The following ACER1 variants were observed in gnomAD, a reference collection of about 807,000 sequenced individuals.
The protein encoded by ACER1 is alkaline ceramidase 1, also known as CTB-180A7.3.
ACER1 carries 28 observed loss-of-function variants against 24.9 expected under a neutral mutation model. The observed-to-expected ratio is 1.13, with a 90% CI of 0.83 to 1.54. The LOEUF (loss-of-function observed/expected upper bound fraction) is 1.54. ACER1 is among the 40% of genes most tolerant of loss of function. The pLI is 0.00. For synonymous variants in ACER1, 132 were observed against 131.4 expected (o/e 1.00, Z -0.03); for missense variants, 352 against 349.3 (o/e 1.01, Z -0.06).
Position 6,306,635 on chromosome 19 carries a change from T to A in ACER1, c.*79A>T, listed in dbSNP as rs2091553469. The A allele has an allele frequency of 6.7e-7, 1 of 1,503,700 alleles. No homozygotes were observed. The highest frequency in any genetic ancestry group is 2.3e-5 in the East Asian group (1 of 43,696). 93.1% of individuals were successfully genotyped at this position (1,503,700 alleles called of 1,614,324 possible). A position where few individuals can be genotyped will look rare whatever the true frequency, so the allele number is the denominator to read the frequency against. On this transcript the variant is annotated 3_prime_UTR_variant, in exon 6 of 6. Transcript: ENST00000301452. ...GAAGGAACCACGAGTGTCCCGCAGG[T>A]GCAAGTCCTGACCGGGGCTATCTTC...
chr19:6,314,834 A>T (rs912822777), intron 1 of ACER1, among the ~76,000 whole-genome samples: 2 of 152,156 alleles, frequency 1.3e-5, no homozygotes, highest in Non-Finnish European at 2.9e-5. Context: ...CAACCCAATG[A>T]TTGGATAAAG....
At chr19:6,345,667 C>T in the ACER1 span, among the ~76,000 whole-genome samples, 8,509 of 150,408 alleles carry the variant, frequency 0.057, 399 homozygotes, top group African/African-American at 0.13. Flanking sequence ...TGGGTTCAAG[C>T]GATTCTCTTG....
At chr19:6,325,464 C>A (rs2091656538) in intron 1 of ACER1, among the ~76,000 whole-genome samples, 1 of 152,074 alleles carries the variant, frequency 6.6e-6, no homozygotes, top group Non-Finnish European at 1.5e-5. Flanking sequence ...ACCAGGCTGA[C>A]CAACAAAGTG....
At chr19:6,353,979 T>C in the ACER1 span, among the ~76,000 whole-genome samples, 65,080 of 151,532 alleles carry the variant, frequency 0.43, 19,124 homozygotes, top group African/African-American at 0.84. Flanking sequence ...GTCAGGAGTT[T>C]GAGACCAGCC....
the ACER1 span, among the ~76,000 whole-genome samples, chr19:6,346,271 G>C: frequency 6.6e-6 from 1 of 152,126 alleles, no homozygotes; most frequent in East Asian, 1.9e-4. Context: ...CTCTAATCTG[G>C]AAGTATCTCT....
the ACER1 span, among the ~76,000 whole-genome samples, chr19:6,347,720 C>A: frequency 6.6e-6 from 1 of 151,846 alleles, no homozygotes; most frequent in Non-Finnish European, 1.5e-5. Context: ...CCTGTAATTC[C>A]GGCTACTCGG....
chr19:6,342,929 C>T, the ACER1 span, among the ~76,000 whole-genome samples: 1 of 151,900 alleles, frequency 6.6e-6, no homozygotes, highest in Admixed American at 6.6e-5. Flanking sequence ...AGGCACCCGC[C>T]ACTGTGCCCG....
chr19:6,316,986 T>TC (rs1190357002), intron 1 of ACER1, among the ~76,000 whole-genome samples: 1 of 145,076 alleles, frequency 6.9e-6, no homozygotes, highest in African/African-American at 2.5e-5. Context: ...TTTTTTTTTT[T>TC]TTTCTGAGAT....
At chr19:6,310,876 TAAAAA>T (rs5826928) in intron 3 of ACER1, among the ~76,000 whole-genome samples, 1 of 122,112 alleles carries the variant, frequency 8.2e-6, no homozygotes, top group Non-Finnish European at 1.8e-5. Context: ...AGACTTCATC[TAAAAA>T]AAAAAAAAAA....
chr19:6,316,123 G>A (rs144707111), intron 1 of ACER1, among the ~76,000 whole-genome samples: 40 of 152,022 alleles, frequency 2.6e-4, no homozygotes, highest in African/African-American at 8.0e-4. Flanking sequence ...ACGAGACTCC[G>A]TCTCAAAAAA....
intron 4 of ACER1, 98 bp from the exon 5 acceptor site, chr19:6,307,388 T>A: frequency 7.1e-7 from 1 of 1,417,212 alleles, no homozygotes; most frequent in Non-Finnish European, 9.5e-7. Context: ...GGCTCAGAGG[T>A]TGGGAGAAGG....
the ACER1 span, among the ~76,000 whole-genome samples, chr19:6,351,055 A>G: frequency 6.6e-6 from 1 of 152,140 alleles, no homozygotes; most frequent in African/African-American, 2.4e-5. Context: ...TAATTAAACC[A>G]GTGAAGGCAC....
chr19:6,314,563 A>G (rs2091594685), intron 1 of ACER1, among the ~76,000 whole-genome samples: 1 of 152,116 alleles, frequency 6.6e-6, no homozygotes, highest in Admixed American at 6.6e-5. Context: ...ACTCCCCACA[A>G]AGTGTCTCCC....
intron 5 of ACER1, 120 bp from the exon 6 acceptor site, chr19:6,307,002 C>G: frequency 6.7e-7 from 1 of 1,488,930 alleles, no homozygotes; most frequent in Non-Finnish European, 9.0e-7. Flanking sequence ...GGTCTGGCCC[C>G]GTGACTGCAG....
the ACER1 span, among the ~76,000 whole-genome samples, chr19:6,351,574 A>C: frequency 1.3e-5 from 2 of 150,918 alleles, no homozygotes; most frequent in African/African-American, 2.4e-5. Context: ...TTACCAAAAA[A>C]AAAAAAGAAA....
the ACER1 span, among the ~76,000 whole-genome samples, chr19:6,348,489 A>G: frequency 6.6e-6 from 1 of 150,698 alleles, no homozygotes; most frequent in African/African-American, 2.4e-5. Context: ...AAAAAAGAAG[A>G]TTAAAGACTG....
chr19:6,308,625 G>A (rs766061352), intron 4 of ACER1, among the ~76,000 whole-genome samples: 3 of 151,994 alleles, frequency 2.0e-5, no homozygotes, highest in Non-Finnish European at 4.4e-5. Context: ...CAAGCCCTTT[G>A]GTGCTTGTAT....
At chr19:6,327,752 A>C (rs1390541673) in intron 1 of ACER1, among the ~76,000 whole-genome samples, 1 of 152,030 alleles carries the variant, frequency 6.6e-6, no homozygotes, top group Middle Eastern at 3.2e-3. Flanking sequence ...GACATGTGAA[A>C]ATTATATGAA....
At chr19:6,356,025 A>T in the ACER1 span, among the ~76,000 whole-genome samples, 1 of 151,610 alleles carries the variant, frequency 6.6e-6, no homozygotes, top group East Asian at 1.9e-4. Flanking sequence ...TTGGTGGAAT[A>T]GAAAGGGGGG....
Sources: allele counts gnomAD v4.1 joint callset (sites outside exome capture counted in the v4.1 genomes callset), GRCh38; gene constraint gnomAD v4.1.1; transcripts MANE v1.5; gene names NCBI Gene and HGNC (gene_info 2026-07-23, HGNC 2026-07-21).